STUM: variants seen among roughly 807,000 people sequenced by gnomAD.
The protein encoded by STUM is protein stum homolog.
Under a neutral mutation model 15.3 loss-of-function variants are expected in STUM, and 8 were observed. The ratio of observed to expected loss-of-function variants is 0.52; its 90% CI spans 0.31 to 0.94. The LOEUF is 0.94. STUM is among the 40% of genes least tolerant of loss of function. STUM has a pLI of 0.05. For synonymous variants in STUM, 78 were observed against 88.7 expected (o/e 0.88, Z 0.68); for missense variants, 142 against 204.9 (o/e 0.69, Z 1.87).
At chr1:226,573,219 A>G (rs1667747983) in intron 1 of STUM, among the ~76,000 whole-genome samples, 1 of 152,228 alleles carries the variant, frequency 6.6e-6, no homozygotes, top group Non-Finnish European at 1.5e-5. Flanking sequence ...AACCTTGGCC[A>G]GGTCAATTAA....
At chr1:226,597,779 C>T (rs948660587) in intron 2 of STUM, among the ~76,000 whole-genome samples, 9 of 152,214 alleles carry the variant, frequency 5.9e-5, no homozygotes, top group Admixed American at 2.6e-4. Context: ...TGCAGTGGAG[C>T]GTGGTCAGAT....
At position 226,549,178 on chromosome 1, in the gene STUM, C is replaced by G. The variant is rs1033974692; in HGVS notation, c.202+72C>G. On this transcript the variant is annotated intron_variant, in intron 1 of 3. Coordinates refer to ENST00000366788, the MANE Select transcript of STUM (RefSeq NM_001003665.4). The surrounding 1 kb of genome is among the most constrained non-coding windows in gnomAD (Gnocchi z 6.8). Reference sequence around the variant, plus strand: ...GAGGGCGTGGGGGGAGAGAAGGGCGCGGCCGGAGACCTCCTGGCGGGGCCG... The same window carrying G: ...GAGGGCGTGGGGGGAGAGAAGGGCGGGGCCGGAGACCTCCTGGCGGGGCCG... 5.1e-5 allele frequency: 68 copies of G among 1,345,672 alleles called. 1 individual carries two copies. The highest frequency in any genetic ancestry group is 1.3e-4 in the Admixed American group (5 of 38,658). 83.4% of individuals were successfully genotyped at this position (1,345,672 alleles called of 1,614,324 possible).
intron 1 of STUM, among the ~76,000 whole-genome samples, chr1:226,595,757 G>A (rs1277097534): frequency 6.6e-6 from 1 of 152,208 alleles, no homozygotes; most frequent in African/African-American, 2.4e-5. Context: ...TGCTGGCGGT[G>A]ATGATGGAGG....
intron 1 of STUM, among the ~76,000 whole-genome samples, chr1:226,575,156 G>A (rs1667788625): frequency 6.6e-6 from 1 of 152,230 alleles, no homozygotes; most frequent in Admixed American, 6.5e-5. Context: ...GGTGGGCTCA[G>A]GCAGTCGGGT....
At position 226,553,181 on chromosome 1, in the gene STUM, G is replaced by A. The variant is rs138529853; in HGVS notation, c.202+4075G>A. 3.5e-4 allele frequency among the ~76,000 whole-genome samples: 53 copies of A among 152,282 alleles called. No homozygotes were observed. The East Asian group carries it at 9.4e-3, about 27-fold the overall frequency. On this transcript the variant is annotated intron_variant, in intron 1 of 3. Coordinates refer to ENST00000366788, the MANE Select transcript of STUM (RefSeq NM_001003665.4). ...CAGAGTAGCCATGAAAAGCCACCCT[G>A]GGATGAAATTGTTCAACAGAATGAG...
chr1:226,581,157 G>T (rs1016317255), intron 1 of STUM, among the ~76,000 whole-genome samples: 3 of 152,182 alleles, frequency 2.0e-5, no homozygotes, highest in Non-Finnish European at 4.4e-5. Flanking sequence ...TATCACTTTC[G>T]CTCATAGCTC....
chr1:226,574,887 A>C (rs1481355591), intron 1 of STUM, among the ~76,000 whole-genome samples: 2 of 152,200 alleles, frequency 1.3e-5, no homozygotes, highest in African/African-American at 4.8e-5. Context: ...TTTGGGTCTC[A>C]CAACCCCTCA....
intron 1 of STUM, among the ~76,000 whole-genome samples, chr1:226,570,798 G>A (rs1408818612): frequency 5.3e-5 from 8 of 152,118 alleles, no homozygotes; most frequent in Non-Finnish European, 8.8e-5. Context: ...TGTGCCATTG[G>A]ACCCTTTAGC....
intron 1 of STUM, among the ~76,000 whole-genome samples, chr1:226,553,762 A>G (rs1667406031): frequency 6.6e-6 from 1 of 152,220 alleles, no homozygotes; most frequent in Admixed American, 6.5e-5. Context: ...GCAGTAAAGA[A>G]TATTTGCTTA....
In STUM at chr1:226,602,547, T is replaced by G. The variant is rs1668286454; in HGVS notation, c.*507T>G. ...GGCAGCACCAGGGTGTGGGTGAGGA[T>G]GGCCAGGCTCCACCCTAGCGTGGAA... On this transcript the variant is annotated 3_prime_UTR_variant, in exon 4 of 4. Coordinates refer to ENST00000366788, the MANE Select transcript of STUM (RefSeq NM_001003665.4). 1 of 155,428 alleles carries G rather than the reference T, an allele frequency of 6.4e-6. No homozygotes were observed. Among genetic ancestry groups the G allele is most frequent in the Non-Finnish European group, 1.4e-5 (1 of 69,902 alleles). The allele number at this position is 155,428 out of a possible 1,614,324, so 9.6% of individuals were successfully genotyped here. A position where few individuals can be genotyped will look rare whatever the true frequency, so the allele number is the denominator to read the frequency against.
chr1:226,596,920 C>T lies in STUM; in HGVS notation c.321C>T (p.Ala107=). ...CAGCCCTCATCCAAATCCTCACTGC[C>T]ATCGTCATGGTGGGCTGGATCATGA... ...IAAALIQILT[A]IVMVGWIMSI... Residue 107 remains alanine (A), a synonymous_variant, in exon 2 of 4, where the codon GCC becomes GCT. Transcript: ENST00000366788. The T allele has an allele frequency of 6.2e-7, 1 of 1,614,246 alleles. No homozygotes were observed. The highest frequency in any genetic ancestry group is 8.5e-7 in the Non-Finnish European group (1 of 1,180,042).
At chr1:226,584,830 T>C (rs1667972760) in intron 1 of STUM, among the ~76,000 whole-genome samples, 1 of 152,232 alleles carries the variant, frequency 6.6e-6, no homozygotes, top group Non-Finnish European at 1.5e-5. Flanking sequence ...AGCTAACTGA[T>C]AGACATCCTT....
chr1:226,568,452 T>C (rs1463201769), intron 1 of STUM, among the ~76,000 whole-genome samples: 1 of 152,212 alleles, frequency 6.6e-6, no homozygotes, highest in Non-Finnish European at 1.5e-5. Context: ...TTCAGGAATG[T>C]GGTTCATCGC....
At chr1:226,587,460 T>C (rs1486865252) in intron 1 of STUM, among the ~76,000 whole-genome samples, 1 of 152,174 alleles carries the variant, frequency 6.6e-6, no homozygotes, top group Non-Finnish European at 1.5e-5. Context: ...GCAATACACC[T>C]GCAGACTGTG....
intron 1 of STUM, among the ~76,000 whole-genome samples, chr1:226,591,142 T>A (rs1668079141): frequency 6.6e-6 from 1 of 152,258 alleles, no homozygotes. Context: ...GCTAAAACCA[T>A]TTTTTAAATT....
chr1:226,600,059 G>A lies in STUM; in HGVS notation c.383-607G>A, dbSNP rs1331430744. On this transcript the variant is annotated intron_variant, in intron 2 of 3. Coordinates refer to ENST00000366788, the MANE Select transcript of STUM (RefSeq NM_001003665.4). The surrounding 1 kb of genome is among the most constrained non-coding windows in gnomAD (Gnocchi z 5.2). Reference sequence around the variant, plus strand: ...GGCACATCAGCATCTTTAGATTGCTGTAGTCAAAGCTCTAGCTGTCCAGGA... The same window carrying A: ...GGCACATCAGCATCTTTAGATTGCTATAGTCAAAGCTCTAGCTGTCCAGGA... Among the ~76,000 whole-genome samples, 3 of 152,126 alleles carry A rather than the reference G, an allele frequency of 2.0e-5. No homozygotes were observed. Among genetic ancestry groups the A allele is most frequent in the Non-Finnish European group, 4.4e-5 (3 of 68,042 alleles).
rs1176588336 is a variant in STUM, at chr1:226,608,685, C to T, written c.*6645C>T. On this transcript the variant is annotated 3_prime_UTR_variant, in exon 4 of 4. Coordinates refer to ENST00000366788, the MANE Select transcript of STUM (RefSeq NM_001003665.4). The surrounding 1 kb of genome is among the most constrained non-coding windows in gnomAD (Gnocchi z 4.0). Reference sequence around the variant, plus strand: ...TGACCTGCTGGGAGCCCACCCCACCCCAGTCCAGCCATGAGGGTATTTCCA... The same window carrying T: ...TGACCTGCTGGGAGCCCACCCCACCTCAGTCCAGCCATGAGGGTATTTCCA... The T allele has an allele frequency of 6.6e-6, 1 of 152,248 alleles. No homozygotes were observed. Among genetic ancestry groups the T allele is most frequent in the African/African-American group, 2.4e-5 (1 of 41,446 alleles). 9.4% of individuals were successfully genotyped at this position (152,248 alleles called of 1,614,324 possible). A position where few individuals can be genotyped will look rare whatever the true frequency, so the allele number is the denominator to read the frequency against.
intron 2 of STUM, among the ~76,000 whole-genome samples, chr1:226,598,813 G>A (rs1051560950): frequency 4.6e-5 from 7 of 152,158 alleles, no homozygotes; most frequent in Admixed American, 1.3e-4. Flanking sequence ...CTGTTTCCAG[G>A]GATGCTGTCT....
chr1:226,587,211 C>T (rs565908384), intron 1 of STUM, among the ~76,000 whole-genome samples: 3 of 152,188 alleles, frequency 2.0e-5, no homozygotes, highest in East Asian at 1.9e-4. Context: ...GATGCACACC[C>T]GGCGCCACTA....
Sources: allele counts gnomAD v4.1 joint callset (sites outside exome capture counted in the v4.1 genomes callset), GRCh38; gene constraint gnomAD v4.1.1; non-coding constraint Gnocchi (gnomAD v3.1); transcripts MANE v1.5; gene names NCBI Gene and HGNC (gene_info 2026-07-23, HGNC 2026-07-21).